NEDD4L: variants seen among roughly 807,000 people sequenced by gnomAD.
NEDD4L encodes the protein NEDD4 like E3 ubiquitin protein ligase.
A neutral mutation model predicts 148.9 loss-of-function variants in NEDD4L; 54 were observed. The ratio of observed to expected loss-of-function variants is 0.36; its 90% confidence interval spans 0.29 to 0.45. The LOEUF (loss-of-function observed/expected upper bound fraction) is 0.45, where lower values mean the gene tolerates loss of function less well. Ranked by LOEUF, NEDD4L falls within the 20% of genes least tolerant of loss-of-function variation. The pLI is 1.00. For missense variants in NEDD4L, 856 were observed against 1,233.8 expected (o/e 0.69, Z 4.59); for synonymous variants, 433 against 440.7 (o/e 0.98, Z 0.22).
At chr18:58,202,887 A>C (rs936616686) in intron 2 of NEDD4L, among the ~76,000 whole-genome samples, 7 of 151,764 alleles carry the variant, frequency 4.6e-5, no homozygotes, top group African/African-American at 1.7e-4. Flanking sequence ...AGTTCAATTT[A>C]TTTGTTTTAC....
chr18:58,145,463 A>G (rs2033999378), intron 1 of NEDD4L, among the ~76,000 whole-genome samples: 1 of 152,196 alleles, frequency 6.6e-6, no homozygotes, highest in Admixed American at 6.5e-5. Flanking sequence ...GGAGTAGGCA[A>G]CGTTTTCCTC....
At chr18:58,208,226 C>G (rs1290865092) in intron 2 of NEDD4L, among the ~76,000 whole-genome samples, 1 of 152,148 alleles carries the variant, frequency 6.6e-6, no homozygotes, top group Admixed American at 6.5e-5. Context: ...AAATATAGGA[C>G]ATATGAACAT....
intron 5 of NEDD4L, among the ~76,000 whole-genome samples, chr18:58,315,074 A>G (rs1019890599): frequency 3.3e-4 from 50 of 152,228 alleles, no homozygotes; most frequent in African/African-American, 1.1e-3. Flanking sequence ...TGGTCTCATC[A>G]TATCTAAAGA....
intron 5 of NEDD4L, among the ~76,000 whole-genome samples, chr18:58,291,778 T>TC (rs2054800094): frequency 6.6e-6 from 1 of 151,982 alleles, no homozygotes; most frequent in African/African-American, 2.4e-5. Context: ...AACTGAGATT[T>TC]CCCCCCACCC....
At chr18:58,069,995 G>GGGACA (rs1407164428) in intron 1 of NEDD4L, among the ~76,000 whole-genome samples, 1 of 152,146 alleles carries the variant, frequency 6.6e-6, no homozygotes, top group Non-Finnish European at 1.5e-5. Context: ...ACCACTGGAA[G>GGGACA]GGACAGAACA....
intron 2 of NEDD4L, among the ~76,000 whole-genome samples, chr18:58,226,898 G>A (rs1314073428): frequency 6.6e-6 from 1 of 151,544 alleles, no homozygotes; most frequent in Non-Finnish European, 1.5e-5. Flanking sequence ...AATCAACCAA[G>A]CCATCCGTTA....
intron 1 of NEDD4L, among the ~76,000 whole-genome samples, chr18:58,106,515 G>A (rs746191948): frequency 2.0e-5 from 3 of 152,154 alleles, no homozygotes; most frequent in African/African-American, 7.2e-5. Context: ...CCTGGTGAAG[G>A]GGGGCCGGTT....
At chr18:58,210,880 C>G (rs549509396) in intron 2 of NEDD4L, among the ~76,000 whole-genome samples, 1 of 152,142 alleles carries the variant, frequency 6.6e-6, no homozygotes, top group Admixed American at 6.5e-5. Flanking sequence ...CATCAAAACA[C>G]GAATGCACTA....
Position 58,151,625 on chromosome 18 carries a change from A to ATGTGTGTGTGTGTGTGTGTGTGTGTG in NEDD4L, c.49-14155_49-14130dup, listed in dbSNP as rs113714456. Among the ~76,000 whole-genome samples, 307 of 141,052 alleles carry ATGTGTGTGTGTGTGTGTGTGTGTGTG rather than the reference A, an allele frequency of 2.2e-3. 7 individuals carry two copies. The East Asian group carries it at 0.023, about 10-fold the overall frequency. The allele number at this position is 141,052 out of a possible 152,430, so 92.5% of individuals were successfully genotyped here. ...GAAGATGAGGTAGCTGTGCCTGGAT[A>ATGTGTGTGTGTGTGTGTGTGTGTGTG]TGTGTGTGTGTGTGTGTGTGTGTGT... is the stretch of plus-strand genomic sequence containing the variant. On this transcript the variant is annotated intron_variant, in intron 1 of 30. Coordinates refer to ENST00000400345, the MANE Select transcript of NEDD4L (RefSeq NM_001144967.3).
At chr18:58,307,045 C>T (rs2057150303) in intron 5 of NEDD4L, among the ~76,000 whole-genome samples, 1 of 152,190 alleles carries the variant, frequency 6.6e-6, no homozygotes, top group South Asian at 2.1e-4. Flanking sequence ...TGGAGCTTTT[C>T]CCCCAGCCAA....
intron 1 of NEDD4L, among the ~76,000 whole-genome samples, chr18:58,085,521 A>C (rs2083715503): frequency 6.6e-6 from 1 of 152,220 alleles, no homozygotes; most frequent in Non-Finnish European, 1.5e-5. Flanking sequence ...TCCCAAGGGA[A>C]GTAAAAGGAT....
intron 1 of NEDD4L, among the ~76,000 whole-genome samples, chr18:58,086,043 G>T (rs2145203186): frequency 1.3e-5 from 2 of 152,136 alleles, no homozygotes; most frequent in Middle Eastern, 6.8e-3. Flanking sequence ...CTTTGGTTTG[G>T]GTAGATTTTG....
rs1224107219 is a variant in NEDD4L at position 58,398,290 on chromosome 18, C to T, written c.*2021C>T. ...GCAAAAATCCCCTTTTTGTAAGCCCCCATAGTCTAGAGGCAGTTTTCTTTT... is the reference window on the plus strand; with the variant it reads ...GCAAAAATCCCCTTTTTGTAAGCCCTCATAGTCTAGAGGCAGTTTTCTTTT... On this transcript the variant is annotated 3_prime_UTR_variant, in exon 31 of 31. Coordinates refer to ENST00000400345, the MANE Select transcript of NEDD4L (RefSeq NM_001144967.3). 1 of 151,160 alleles carries T rather than the reference C, an allele frequency of 6.6e-6. No individual in the cohort carries two copies. Among genetic ancestry groups the T allele is most frequent in the Non-Finnish European group, 1.5e-5 (1 of 67,980 alleles). The allele number at this position is 151,160 out of a possible 1,614,324, so 9.4% of individuals were successfully genotyped here.
intron 5 of NEDD4L, among the ~76,000 whole-genome samples, chr18:58,276,267 G>A (rs545012356): frequency 7.4e-5 from 11 of 149,390 alleles, no homozygotes; most frequent in African/African-American, 9.9e-5. Context: ...TGCCCAGGCT[G>A]GAGCTATCTC....
In NEDD4L at chr18:58,368,061, A is replaced by G. The variant is rs142387726; in HGVS notation, c.2185+194A>G. On this transcript the variant is annotated intron_variant, in intron 22 of 30. Coordinates refer to ENST00000400345, the MANE Select transcript of NEDD4L (RefSeq NM_001144967.3). The stretch of plus-strand genomic sequence containing the variant: ...CACTGAAGACATAGTGTCTACACAC[A>G]GTTAAAAACAAAAGTTTTTTTTTAA... Among the ~76,000 whole-genome samples, 48 of 152,374 alleles carry G rather than the reference A, an allele frequency of 3.2e-4. 1 individual carries two copies. Among genetic ancestry groups the G allele is most frequent in the African/African-American group, 9.9e-4 (41 of 41,596 alleles).
chr18:58,359,647 A>AT (rs896676486), intron 19 of NEDD4L, among the ~76,000 whole-genome samples: 2 of 151,618 alleles, frequency 1.3e-5, no homozygotes, highest in Admixed American at 6.6e-5. Flanking sequence ...TCTTCCATCC[A>AT]TTTTTTTTCT....
chr18:58,324,190 T>C (rs2059104150), intron 8 of NEDD4L, among the ~76,000 whole-genome samples: 1 of 152,252 alleles, frequency 6.6e-6, no homozygotes, highest in South Asian at 2.1e-4. Flanking sequence ...CAACAGATTT[T>C]CATCTCAAAT....
chr18:58,131,661 T>C (rs1158647777), intron 1 of NEDD4L, among the ~76,000 whole-genome samples: 1 of 151,700 alleles, frequency 6.6e-6, no homozygotes, highest in East Asian at 1.9e-4. Flanking sequence ...GTGATGGTGT[T>C]GAGCTCTGTT....
At chr18:58,194,976 C>T (rs1247589903) in intron 2 of NEDD4L, among the ~76,000 whole-genome samples, 6 of 152,156 alleles carry the variant, frequency 3.9e-5, no homozygotes, top group African/African-American at 4.8e-5. Context: ...CTGGATGTCA[C>T]GAAGCTAGTG....
Sources: allele counts gnomAD v4.1 joint callset (sites outside exome capture counted in the v4.1 genomes callset), GRCh38; gene constraint gnomAD v4.1.1; transcripts MANE v1.5; gene names NCBI Gene and HGNC (gene_info 2026-07-23, HGNC 2026-07-21).